Variants in DCC observed in about 807,000 individuals in gnomAD.
DCC encodes DCC netrin 1 receptor.
Under a neutral mutation model 172.5 loss-of-function variants are expected in DCC, and 58 were observed. The observed-to-expected ratio is 0.34, with a 90% CI of 0.27 to 0.42. The LOEUF is 0.42. Ranked by LOEUF, DCC falls within the 10% of genes least tolerant of loss-of-function variation. The pLI is 1.00. For missense variants in DCC, 1,740 were observed against 1,791.0 expected (o/e 0.97, Z 0.51); for synonymous variants, 709 against 644.5 (o/e 1.10, Z -1.52).
At chr18:52,742,435 G>A (rs960014293) in intron 1 of DCC, among the ~76,000 whole-genome samples, 3 of 152,084 alleles carry the variant, frequency 2.0e-5, no homozygotes, top group African/African-American at 4.8e-5. Context: ...GAAGGATAGG[G>A]ATTATTAGGC....
chr18:52,592,238 A>T (rs993181382), intron 1 of DCC, among the ~76,000 whole-genome samples: 2 of 152,224 alleles, frequency 1.3e-5, no homozygotes, highest in Non-Finnish European at 2.9e-5. Context: ...CACTAAAAAT[A>T]GCCAGATCAA....
At chr18:53,321,911 A>G in intron 13 of DCC, 136 bp from the exon 14 acceptor site, 1 of 715,624 alleles carries the variant, frequency 1.4e-6, no homozygotes. Context: ...AGTCAAAATA[A>G]TCATTACCAC....
chr18:53,409,691 A>G (rs1386385114), intron 19 of DCC, among the ~76,000 whole-genome samples: 2 of 152,232 alleles, frequency 1.3e-5, no homozygotes, highest in Non-Finnish European at 2.9e-5. Context: ...ACACACAACT[A>G]GCACTCAAGT....
intron 1 of DCC, among the ~76,000 whole-genome samples, chr18:52,349,423 GAATACAAATTAGAGAGAAGAATCTGCA>G (rs913037739): frequency 2.0e-5 from 3 of 152,136 alleles, no homozygotes; most frequent in Non-Finnish European, 4.4e-5. Flanking sequence ...GATCCCAGAA[GAATACAAATTAGAGAGAAGAATCTGCA>G]AAGCTTTTCC....
intron 1 of DCC, among the ~76,000 whole-genome samples, chr18:52,405,544 C>A (rs547953970): frequency 6.6e-6 from 1 of 151,130 alleles, no homozygotes; most frequent in South Asian, 2.1e-4. Context: ...AACAGAGAGC[C>A]GAATCGTGAG....
intron 2 of DCC, among the ~76,000 whole-genome samples, chr18:52,790,748 T>C (rs2037747289): frequency 6.6e-6 from 1 of 152,172 alleles, no homozygotes; most frequent in Non-Finnish European, 1.5e-5. Context: ...ATAGGAGACA[T>C]ATTGCTCATC....
At chr18:52,376,143 C>A (rs1302138881) in intron 1 of DCC, among the ~76,000 whole-genome samples, 1 of 152,118 alleles carries the variant, frequency 6.6e-6, no homozygotes, top group Non-Finnish European at 1.5e-5. Flanking sequence ...TCATAGGGTG[C>A]TGTTTATAAA....
intron 1 of DCC, among the ~76,000 whole-genome samples, chr18:52,444,556 A>T: frequency 6.6e-6 from 1 of 152,222 alleles, no homozygotes; most frequent in Non-Finnish European, 1.5e-5. Flanking sequence ...AATAATACAA[A>T]TTTAACATGT....
chr18:52,474,206 TAGAGAGAGAGAG>T (rs61277582), intron 1 of DCC, among the ~76,000 whole-genome samples: 6 of 100,628 alleles, frequency 6.0e-5, no homozygotes, highest in African/African-American at 1.2e-4. Context: ...GTAACAGACC[TAGAGAGAGAGAG>T]AGAGAGAGAG....
At chr18:52,540,053 G>T (rs2032394896) in intron 1 of DCC, among the ~76,000 whole-genome samples, 1 of 152,148 alleles carries the variant, frequency 6.6e-6, no homozygotes, top group Non-Finnish European at 1.5e-5. Context: ...ACAGTAGAAT[G>T]ATTCCTAGAT....
chr18:53,385,835 A>G (rs1420603873), intron 15 of DCC, among the ~76,000 whole-genome samples: 2 of 152,190 alleles, frequency 1.3e-5, no homozygotes, highest in Non-Finnish European at 2.9e-5. Flanking sequence ...CTAGTAGTTC[A>G]GTATGTTTTC....
intron 1 of DCC, among the ~76,000 whole-genome samples, chr18:52,421,106 G>T (rs1987232279): frequency 6.6e-6 from 1 of 152,118 alleles, no homozygotes; most frequent in South Asian, 2.1e-4. Flanking sequence ...AAATAAGGGG[G>T]AAACATAGAA....
At chr18:53,245,410 A>G (rs2056353952) in intron 12 of DCC, among the ~76,000 whole-genome samples, 1 of 152,110 alleles carries the variant, frequency 6.6e-6, no homozygotes, top group Admixed American at 6.6e-5. Context: ...CTCATTTGTT[A>G]TGTGTGGAAA....
rs150133159 is a variant in DCC, at chr18:53,427,781, G to A, written c.3164-7363G>A. On this transcript the variant is annotated intron_variant, in intron 21 of 28. Transcript: ENST00000442544. ...ATGAGAAATAGTAGAATTCAGAGGA[G>A]TAACCAATGTGCTTCTAAAAACAGA... Among the ~76,000 whole-genome samples, 78 of 139,262 alleles carry A rather than the reference G, an allele frequency of 5.6e-4. 1 individual carries two copies. Among genetic ancestry groups the A allele is most frequent in the African/African-American group, 2.0e-3 (74 of 37,800 alleles). 91.4% of individuals were successfully genotyped at this position (139,262 alleles called of 152,430 possible).
chr18:52,700,016 T>TC (rs2036080809), intron 1 of DCC, among the ~76,000 whole-genome samples: 1 of 151,234 alleles, frequency 6.6e-6, no homozygotes, highest in African/African-American at 2.4e-5. Flanking sequence ...AGCAATGTAT[T>TC]CTTCACTCTT....
chr18:52,350,671 ACT>A (rs1197280923), intron 1 of DCC, among the ~76,000 whole-genome samples: 1 of 152,124 alleles, frequency 6.6e-6, no homozygotes. Flanking sequence ...AATTTAAAAA[ACT>A]CATAATATAT....
intron 5 of DCC, among the ~76,000 whole-genome samples, chr18:52,971,501 G>A (rs1735819393): frequency 6.6e-6 from 1 of 151,462 alleles, no homozygotes; most frequent in Non-Finnish European, 1.5e-5. Context: ...GTGTGCGTGT[G>A]TGTGTGCGCG....
chr18:52,815,353 C>T (rs546921835), intron 2 of DCC, among the ~76,000 whole-genome samples: 23 of 151,994 alleles, frequency 1.5e-4, no homozygotes, highest in African/African-American at 5.1e-4. Flanking sequence ...AGGTCCAGGG[C>T]CCTTATTAAA....
chr18:52,838,438 A>G (rs532494867), intron 2 of DCC, among the ~76,000 whole-genome samples: 2 of 152,232 alleles, frequency 1.3e-5, no homozygotes, highest in East Asian at 3.9e-4. Flanking sequence ...AAAAAATTCT[A>G]CAGTTGTACA....
Sources: gnomAD v4.1 joint callset for allele counts (sites outside exome capture counted in the v4.1 genomes callset) on GRCh38, gnomAD v4.1.1 for gene constraint, MANE v1.5 for transcripts, NCBI Gene and HGNC (gene_info 2026-07-23, HGNC 2026-07-21) for gene names.